TMEM126B: variants seen among roughly 807,000 people sequenced by gnomAD.
TMEM126B encodes complex I assembly factor TMEM126B, mitochondrial.
TMEM126B carries 19 observed loss-of-function variants against 16.5 expected under a neutral mutation model. That is an observed-to-expected ratio of 1.15 (90% CI 0.80 to 1.69). TMEM126B has a LOEUF of 1.69. Among genes scored for constraint, TMEM126B ranks in the 40% most tolerant of loss-of-function variants. TMEM126B has a pLI of 0.00. For synonymous variants in TMEM126B, 104 were observed against 93.2 expected (o/e 1.12, Z -0.67); for missense variants, 293 against 278.7 (o/e 1.05, Z -0.37).
In TMEM126B at chr11:85,635,656, T is replaced by C. The variant is rs539790274; in HGVS notation, c.398-11T>C. ...TTTTAAAGGAAAACCAAATTTACTT[T>C]TGTTTTCCAGATAATATAAGCAAGG... On this transcript the variant is annotated splice_polypyrimidine_tract_variant and intron_variant, in intron 3 of 4. Transcript: ENST00000358867. 3 of 1,595,984 alleles carry C rather than the reference T, an allele frequency of 1.9e-6. No homozygotes were observed. The highest frequency in any genetic ancestry group is 2.3e-5 in the South Asian group (2 of 87,806).
At position 85,634,083 on chromosome 11, in the gene TMEM126B, TAGGA is replaced by T; in HGVS notation, c.204-2_205del. On this transcript the variant is annotated splice_acceptor_variant and coding_sequence_variant, in exon 3 of 5. Transcript: ENST00000358867. LOFTEE classifies it high-confidence loss of function. ...GAACTGAATTTTTCTTTTTTTCTAT[TAGGA>T]CACAAAATATATATCAAATGGCGAC... The T allele has an allele frequency of 6.3e-7, 1 of 1,599,982 alleles. No individual in the cohort carries two copies. The highest frequency in any genetic ancestry group is 1.7e-5 in the Admixed American group (1 of 58,682).
chr11:85,635,611 C>A (rs1302077377), intron 3 of TMEM126B, 56 bp from the exon 4 acceptor site: 2 of 1,215,024 alleles, frequency 1.6e-6, no homozygotes, highest in Non-Finnish European at 2.4e-6. Context: ...AGGTACAACA[C>A]TGTCTTAATA....
Position 85,636,471 on chromosome 11 carries a change from T to C in TMEM126B, c.*242T>C, listed in dbSNP as rs1274393164. On this transcript the variant is annotated 3_prime_UTR_variant, in exon 5 of 5. Coordinates refer to ENST00000358867, the MANE Select transcript of TMEM126B (RefSeq NM_018480.7). ...TCCATTTTGCCTGGTATATAACAGA[T>C]AATAAATATCCAGTGTCAATAAATG... 1 of 253,384 alleles carries C rather than the reference T, an allele frequency of 3.9e-6. No homozygotes were observed. Among genetic ancestry groups the C allele is most frequent in the Admixed American group, 5.2e-5 (1 of 19,398 alleles). The allele number at this position is 253,384 out of a possible 1,614,324, so 15.7% of individuals were successfully genotyped here.
At chr11:85,634,881 T>C (rs960653965) in intron 3 of TMEM126B, 1 of 152,486 alleles carries the variant, frequency 6.6e-6, no homozygotes, top group Non-Finnish European at 1.5e-5. Flanking sequence ...TGCCTCATTG[T>C]ACACTAGGTG....
At chr11:85,633,690 T>C (rs1209058526) in intron 2 of TMEM126B, among the ~76,000 whole-genome samples, 1 of 152,218 alleles carries the variant, frequency 6.6e-6, no homozygotes, top group African/African-American at 2.4e-5. Flanking sequence ...GTAAACAGCT[T>C]TTTTTTAGAT....
In TMEM126B at chr11:85,636,123, T is replaced by G. The variant is rs2082400132; in HGVS notation, c.587T>G (p.Leu196Ter). 5 of 1,612,954 alleles carry G rather than the reference T, an allele frequency of 3.1e-6. No individual in the cohort carries two copies. Among genetic ancestry groups the G allele is most frequent in the East Asian group, 2.2e-5 (1 of 44,796 alleles). Residue 196 changes from leucine to a stop codon, truncating the protein, a stop_gained, in exon 5 of 5, where the codon TTA becomes TGA. Coordinates refer to ENST00000358867, the MANE Select transcript of TMEM126B (RefSeq NM_018480.7). LOFTEE classifies it low-confidence loss of function (END_TRUNC). ...WMTLCQTQMK[L>*]MAIPLVFQIM... The stretch of plus-strand genomic sequence containing the variant: ...ACGCTTTGTCAAACACAAATGAAAT[T>G]AATGGCGATTCCTCTAGTCTTTCAG...
chr11:85,629,076 T>C, intron 1 of TMEM126B: 1 of 547,556 alleles, frequency 1.8e-6, no homozygotes, highest in South Asian at 1.5e-5. Flanking sequence ...TGCTTTTTCT[T>C]AGGTTGTTGG....
At chr11:85,629,408 T>C (rs2082206577) in intron 1 of TMEM126B, 1 of 446,608 alleles carries the variant, frequency 2.2e-6, no homozygotes, top group African/African-American at 2.1e-5. Context: ...TTGAGTGGCC[T>C]TAAGGGGGAA....
chr11:85,629,212 T>C, intron 1 of TMEM126B: 4 of 1,289,414 alleles, frequency 3.1e-6, no homozygotes, highest in Non-Finnish European at 4.0e-6. Flanking sequence ...AGGTCTGGCA[T>C]ATACCACGTG....
At position 85,636,247 on chromosome 11, in the gene TMEM126B, T is replaced by G. The variant is rs2082403713; in HGVS notation, c.*18T>G. The G allele has an allele frequency of 7.0e-7, 1 of 1,434,734 alleles. No homozygotes were observed. 88.9% of individuals were successfully genotyped at this position (1,434,734 alleles called of 1,614,324 possible). A position where few individuals can be genotyped will look rare whatever the true frequency, so the allele number is the denominator to read the frequency against. Reference sequence around the variant, plus strand: ...AAGAGTAACCAAAAAAATGAATGGTTGCTAACTTAGCAAAATGAAGTTTCT... The same window carrying G: ...AAGAGTAACCAAAAAAATGAATGGTGGCTAACTTAGCAAAATGAAGTTTCT... On this transcript the variant is annotated 3_prime_UTR_variant, in exon 5 of 5. Coordinates refer to ENST00000358867, the MANE Select transcript of TMEM126B (RefSeq NM_018480.7).
intron 3 of TMEM126B, chr11:85,634,899 A>G (rs1008284320): frequency 6.6e-6 from 1 of 152,338 alleles, no homozygotes; most frequent in African/African-American, 2.4e-5. Flanking sequence ...GTGTCTGGAT[A>G]CATTCTCTAT....
chr11:85,628,706 G>C lies in TMEM126B; in HGVS notation c.81+18G>C. ...CGCCCAAGGTAGGCGGAAATCCGAA[G>C]TGGTATGGGGGGTGATTTCTGCACC... On this transcript the variant is annotated intron_variant, in intron 1 of 4. Coordinates refer to ENST00000358867, the MANE Select transcript of TMEM126B (RefSeq NM_018480.7). 1 of 1,526,568 alleles carries C rather than the reference G, an allele frequency of 6.6e-7. No individual in the cohort carries two copies. The highest frequency in any genetic ancestry group is 1.5e-5 in the African/African-American group (1 of 66,606). The allele number at this position is 1,526,568 out of a possible 1,614,324, so 94.6% of individuals were successfully genotyped here. A position where few individuals can be genotyped will look rare whatever the true frequency, so the allele number is the denominator to read the frequency against.
In TMEM126B at chr11:85,634,224, AT is replaced by A; in HGVS notation, c.347del (p.Leu116CysfsTer11). 6.2e-7 allele frequency: 1 copy of A among 1,613,712 alleles called. No homozygotes were observed. The highest frequency in any genetic ancestry group is 8.5e-7 in the Non-Finnish European group (1 of 1,179,874). ...KTYASLATLP[F>X]LSTVVTDKLF... ...CATATGCATCATTGGCTACACTTCC[AT>A]TTTTGTCTACTGTTGTTACTGACAA... On this transcript the variant is annotated frameshift_variant, in exon 3 of 5. Coordinates refer to ENST00000358867, the MANE Select transcript of TMEM126B (RefSeq NM_018480.7). LOFTEE classifies it high-confidence loss of function.
In TMEM126B at chr11:85,631,726, C is replaced by A. The variant is rs1565791001; in HGVS notation, c.121C>A (p.Pro41Thr). ...MAASMHGQPSPSLEDAKLRRP... is the reference protein window; with the variant it reads ...MAASMHGQPSTSLEDAKLRRP... ...AGCATCTATGCATGGTCAGCCCAGT[C>A]CTTCTCTAGAAGATGCAAAACTCAG... is the stretch of plus-strand genomic sequence containing the variant. Residue 41 changes from proline (P) to threonine (T), a missense_variant, in exon 2 of 5, where the codon CCT becomes ACT. Pro to Thr is a conservative substitution (Grantham distance 38, BLOSUM62 -1). Transcript: ENST00000358867. The A allele has an allele frequency of 1.2e-6, 2 of 1,613,228 alleles. No homozygotes were observed. The highest frequency in any genetic ancestry group is 3.3e-5 in the Admixed American group (2 of 59,808).
At chr11:85,631,452 G>T in intron 1 of TMEM126B, 2 of 844,510 alleles carry the variant, frequency 2.4e-6, no homozygotes, top group Non-Finnish European at 3.3e-6. Context: ...TGTCTGTATT[G>T]TAGGATGTTT....
At chr11:85,632,393 A>G (rs989456285) in intron 2 of TMEM126B, among the ~76,000 whole-genome samples, 45 of 152,072 alleles carry the variant, frequency 3.0e-4, no homozygotes, top group South Asian at 2.1e-4. Flanking sequence ...ACAGGCGTGT[A>G]CCACCACAAC....
chr11:85,629,046 C>T, intron 1 of TMEM126B: 1 of 486,414 alleles, frequency 2.1e-6, no homozygotes. Context: ...CCTTCCCACG[C>T]TTCCTCTGGC....
At chr11:85,631,168 T>A (rs1393679151) in intron 1 of TMEM126B, 1 of 1,290,456 alleles carries the variant, frequency 7.7e-7, no homozygotes, top group South Asian at 1.2e-5. Flanking sequence ...ATTTCCAAAA[T>A]GAACTTAATC....
chr11:85,629,221 T>G (rs1347367971), intron 1 of TMEM126B: 1 of 1,289,556 alleles, frequency 7.8e-7, no homozygotes. Context: ...ATATACCACG[T>G]GCTCCCTAAA....
Sources: allele counts gnomAD v4.1 joint callset (sites outside exome capture counted in the v4.1 genomes callset), GRCh38; gene constraint gnomAD v4.1.1; transcripts MANE v1.5; gene names NCBI Gene and HGNC (gene_info 2026-07-23, HGNC 2026-07-21).